Variants in RGPD2 observed in about 807,000 individuals in gnomAD.
The protein encoded by RGPD2 is RANBP2 like and GRIP domain containing 2, also known as RANBP2-like and GRIP domain-containing protein 2.
RGPD2 carries 2 observed loss-of-function variants against 36.0 expected under a neutral mutation model. The observed-to-expected ratio is 0.06, with a 90% CI of 0.02 to 0.17. The LOEUF is 0.17. Among genes scored for constraint, RGPD2 ranks in the 10% least tolerant of loss-of-function variants. The probability of loss-of-function intolerance (pLI) is 1.00; values close to 1 mark genes in which losing one functional copy is unlikely to be tolerated. For missense variants in RGPD2, 40 were observed against 464.3 expected (o/e 0.09, Z 8.40); for synonymous variants, 19 against 163.8 (o/e 0.12, Z 6.75).
intron 20 of RGPD2, among the ~76,000 whole-genome samples, chr2:87,777,502 T>TCTACC (rs1685297106): frequency 1.1e-5 from 1 of 87,520 alleles, no homozygotes; most frequent in Admixed American, 1.5e-4. Flanking sequence ...ATCTGCTTGG[T>TCTACC]AGACATCCTC....
the RGPD2 span, among the ~76,000 whole-genome samples, chr2:87,929,487 A>ATGTGTGTG: frequency 0.029 from 3,992 of 136,942 alleles, 121 homozygotes; most frequent in African/African-American, 0.075. Flanking sequence ...GTGTGTGTGT[A>ATGTGTGTG]TGTGTGTGTG....
chr2:87,760,987 T>C (rs2104227817), intron 22 of RGPD2, among the ~76,000 whole-genome samples: 1 of 142,264 alleles, frequency 7.0e-6, no homozygotes, highest in African/African-American at 2.6e-5. Flanking sequence ...TGTCTCACAG[T>C]TCTTGACTCT....
At chr2:87,964,600 C>T in the RGPD2 span, among the ~76,000 whole-genome samples, 2 of 151,916 alleles carry the variant, frequency 1.3e-5, no homozygotes, top group Non-Finnish European at 2.9e-5. Context: ...GTGGCACGAT[C>T]TCAGCTCACT....
At chr2:87,966,585 A>G in the RGPD2 span, among the ~76,000 whole-genome samples, 1 of 152,244 alleles carries the variant, frequency 6.6e-6, no homozygotes, top group Non-Finnish European at 1.5e-5. Context: ...AAAATAAAAT[A>G]AAATAAAATG....
chr2:87,839,325 T>G, the RGPD2 span, among the ~76,000 whole-genome samples: 2 of 152,068 alleles, frequency 1.3e-5, no homozygotes, highest in South Asian at 4.1e-4. Context: ...CACAATGAGA[T>G]ACCATCTAAT....
At chr2:87,961,809 T>C in the RGPD2 span, among the ~76,000 whole-genome samples, 5 of 151,662 alleles carry the variant, frequency 3.3e-5, no homozygotes, top group Non-Finnish European at 7.4e-5. Context: ...TACTGTATTT[T>C]CTGTCGGCTT....
chr2:87,972,809 T>G, the RGPD2 span: 1 of 1,611,792 alleles, frequency 6.2e-7, no homozygotes, highest in Non-Finnish European at 8.5e-7. Context: ...CTGCTGCACC[T>G]ACTACTATGA....
chr2:87,766,949 C>A (rs1417209267), intron 22 of RGPD2: 1 of 148,624 alleles, frequency 6.7e-6, no homozygotes, highest in Middle Eastern at 3.4e-3. Flanking sequence ...ACAAAGTGTG[C>A]AAGCAGAGAA....
the RGPD2 span, among the ~76,000 whole-genome samples, chr2:87,881,770 C>T: frequency 3.3e-5 from 5 of 151,736 alleles, no homozygotes; most frequent in Admixed American, 2.0e-4. Flanking sequence ...TAACCCATTC[C>T]TGGCACCAAC....
the RGPD2 span, among the ~76,000 whole-genome samples, chr2:87,922,292 CAAAAAA>C: frequency 8.3e-5 from 7 of 84,684 alleles, no homozygotes; most frequent in Non-Finnish European, 8.5e-5. Context: ...GACTTCGTCT[CAAAAAA>C]AAAAAAAAAA....
chr2:87,948,500 G>A, the RGPD2 span, among the ~76,000 whole-genome samples: 1 of 149,474 alleles, frequency 6.7e-6, no homozygotes, highest in Non-Finnish European at 1.5e-5. Flanking sequence ...GCCTGCGTCA[G>A]CCTCCCCGGT....
At chr2:87,876,124 A>T in the RGPD2 span, among the ~76,000 whole-genome samples, 1 of 150,356 alleles carries the variant, frequency 6.7e-6, no homozygotes, top group African/African-American at 2.4e-5. Flanking sequence ...TCTAGCTAGC[A>T]GTCTATTTTA....
the RGPD2 span, among the ~76,000 whole-genome samples, chr2:87,978,561 A>G: frequency 1.2e-5 from 1 of 85,234 alleles, no homozygotes; most frequent in Non-Finnish European, 2.6e-5. Flanking sequence ...TTTTCATTTA[A>G]AAGAAATTAA....
At chr2:87,809,660 T>G (rs1337650385) in intron 6 of RGPD2, among the ~76,000 whole-genome samples, 1 of 147,554 alleles carries the variant, frequency 6.8e-6, no homozygotes, top group Non-Finnish European at 1.5e-5. Context: ...ACAAACCATC[T>G]GTCACCCACC....
the RGPD2 span, among the ~76,000 whole-genome samples, chr2:87,852,699 T>G: frequency 6.6e-6 from 1 of 152,288 alleles, no homozygotes; most frequent in African/African-American, 2.4e-5. Flanking sequence ...CTGTTTCTAC[T>G]GCGCAGAATG....
At chr2:87,909,209 A>G in the RGPD2 span, among the ~76,000 whole-genome samples, 1 of 152,150 alleles carries the variant, frequency 6.6e-6, no homozygotes, top group Non-Finnish European at 1.5e-5. Flanking sequence ...CCACAGTCAG[A>G]GGGAATGTAG....
the RGPD2 span, among the ~76,000 whole-genome samples, chr2:87,878,878 T>C: frequency 6.6e-6 from 1 of 152,248 alleles, no homozygotes. Flanking sequence ...CATAGGTTCA[T>C]TCATGTTGCA....
At chr2:87,967,262 G>T in the RGPD2 span, among the ~76,000 whole-genome samples, 1 of 146,626 alleles carries the variant, frequency 6.8e-6, no homozygotes, top group Non-Finnish European at 1.5e-5. Context: ...AAAAAAATTA[G>T]CTGGGCATGG....
intron 6 of RGPD2, among the ~76,000 whole-genome samples, chr2:87,809,357 T>C (rs1686070816): frequency 6.7e-6 from 1 of 149,946 alleles, no homozygotes; most frequent in Non-Finnish European, 1.5e-5. Flanking sequence ...ACCCTGTTTC[T>C]ACTAAAAATA....
Sources: allele counts gnomAD v4.1 joint callset (sites outside exome capture counted in the v4.1 genomes callset), GRCh38; gene constraint gnomAD v4.1.1; transcripts MANE v1.5; gene names NCBI Gene and HGNC (gene_info 2026-07-23, HGNC 2026-07-21).